Variants in TMEM67 observed in about 807,000 individuals in gnomAD.
TMEM67 encodes the protein transmembrane protein 67, also known as meckelin.
TMEM67 carries 124 observed loss-of-function variants against 136.6 expected under a neutral mutation model. That is an observed-to-expected ratio of 0.91 (90% CI 0.78 to 1.05). The LOEUF (loss-of-function observed/expected upper bound fraction) is 1.05. Ranked by LOEUF, TMEM67 falls within the 50% of genes least tolerant of loss-of-function variation. The pLI is 0.00. For missense variants in TMEM67, 1,107 were observed against 1,178.4 expected (o/e 0.94, Z 0.89); for synonymous variants, 364 against 390.5 (o/e 0.93, Z 0.80).
At chr8:93,829,361 G>GCTCTCTCTCTCTCT in the TMEM67 span, among the ~76,000 whole-genome samples, 4 of 148,434 alleles carry the variant, frequency 2.7e-5, no homozygotes, top group African/African-American at 1.0e-4. Flanking sequence ...CTTTATGAGT[G>GCTCTCTCTCTCTCT]CTCTCTCTCT....
chr8:93,812,033 C>T (rs1036208737), intron 26 of TMEM67, among the ~76,000 whole-genome samples: 1 of 151,712 alleles, frequency 6.6e-6, no homozygotes, highest in Non-Finnish European at 1.5e-5. Context: ...CCTGTAATCC[C>T]AGCTACTTGG....
intron 16 of TMEM67, among the ~76,000 whole-genome samples, chr8:93,794,562 A>G (rs1385249031): frequency 6.6e-6 from 1 of 152,194 alleles, no homozygotes; most frequent in African/African-American, 2.4e-5. Context: ...CGTTTTGTTG[A>G]TGAAGAACAT....
chr8:93,813,402 C>T (rs567612270), intron 26 of TMEM67, among the ~76,000 whole-genome samples: 3 of 152,276 alleles, frequency 2.0e-5, no homozygotes, highest in Non-Finnish European at 2.9e-5. Context: ...TGGCCTCGAA[C>T]TCCTGACCTC....
intron 20 of TMEM67, among the ~76,000 whole-genome samples, 171 bp from the exon 21 acceptor site, chr8:93,799,447 T>C (rs1192776590): frequency 6.6e-6 from 1 of 152,216 alleles, no homozygotes; most frequent in African/African-American, 2.4e-5. Flanking sequence ...ATAAATACTT[T>C]GTAGTTAAAA....
chr8:93,778,299 C>G (rs1308530122), intron 7 of TMEM67, among the ~76,000 whole-genome samples: 1 of 152,166 alleles, frequency 6.6e-6, no homozygotes, highest in African/African-American at 2.4e-5. Context: ...GGTCTTTACT[C>G]TTTATCCAAT....
At chr8:93,805,280 C>T (rs1184197148) in intron 23 of TMEM67, among the ~76,000 whole-genome samples, 2 of 151,146 alleles carry the variant, frequency 1.3e-5, no homozygotes, top group Non-Finnish European at 2.9e-5. Context: ...GCCTATTTAT[C>T]ACTTTGATAG....
chr8:93,785,009 C>T (rs1300430131), intron 11 of TMEM67, among the ~76,000 whole-genome samples: 1 of 152,118 alleles, frequency 6.6e-6, no homozygotes, highest in East Asian at 1.9e-4. Context: ...GGTTTTGGTC[C>T]TTATAAAATA....
In TMEM67 at chr8:93,780,583, T is replaced by C. The variant is rs747804286; in HGVS notation, c.715-10T>C. ...TCATGTTACTTTTCTTTGCCATTGT[T>C]CTGTTGTAGGTATATGCCAATCTAA... On this transcript the variant is annotated splice_polypyrimidine_tract_variant and intron_variant, in intron 7 of 27. Coordinates refer to ENST00000453321, the MANE Select transcript of TMEM67 (RefSeq NM_153704.6). 6.2e-7 allele frequency: 1 copy of C among 1,614,088 alleles called. No homozygotes were observed. Among genetic ancestry groups the C allele is most frequent in the South Asian group, 1.1e-5 (1 of 91,080 alleles).
chr8:93,767,863 CTTT>C (rs200241819), intron 6 of TMEM67, among the ~76,000 whole-genome samples: 97 of 109,888 alleles, frequency 8.8e-4, no homozygotes, highest in Middle Eastern at 8.5e-3. Flanking sequence ...TTTCTTTTTT[CTTT>C]TTTTTTTTTT....
intron 7 of TMEM67, among the ~76,000 whole-genome samples, chr8:93,777,274 C>G (rs1329444020): frequency 6.6e-6 from 1 of 152,000 alleles, no homozygotes. Flanking sequence ...AGCGGTCTAT[C>G]AATTTTGTTG....
chr8:93,797,524 A>G (rs771955631), intron 20 of TMEM67, 54 bp downstream of exon 20: 9 of 1,519,482 alleles, frequency 5.9e-6, no homozygotes, highest in Non-Finnish European at 8.2e-6. Flanking sequence ...TATAAATATT[A>G]AACTAATATA....
the TMEM67 span, among the ~76,000 whole-genome samples, chr8:93,826,295 A>G: frequency 3.3e-3 from 494 of 151,790 alleles, 2 homozygotes; most frequent in African/African-American, 0.011. Context: ...GCGCGTGGCT[A>G]GTTTTTTGTA....
At chr8:93,813,848 T>C (rs1420939320) in intron 26 of TMEM67, among the ~76,000 whole-genome samples, 2 of 152,212 alleles carry the variant, frequency 1.3e-5, no homozygotes, top group Non-Finnish European at 2.9e-5. Flanking sequence ...GCTGGAGCAA[T>C]GTTAGTAGAA....
intron 26 of TMEM67, among the ~76,000 whole-genome samples, chr8:93,814,672 A>C (rs1359528498): frequency 6.9e-6 from 1 of 144,898 alleles, no homozygotes; most frequent in African/African-American, 2.6e-5. Context: ...TTTTTTGTAG[A>C]GATGGAGTCT....
intron 27 of TMEM67, 90 bp from the exon 28 acceptor site, chr8:93,816,282 A>G (rs1808902509): frequency 1.7e-6 from 1 of 571,884 alleles, no homozygotes; most frequent in Admixed American, 2.8e-5. Context: ...AGTTGAGAGA[A>G]TTAGCTAATT....
chr8:93,772,769 A>G (rs768109468), intron 7 of TMEM67, 118 bp downstream of exon 7: 92 of 711,820 alleles, frequency 1.3e-4, no homozygotes, highest in Non-Finnish European at 1.9e-4. Context: ...ATAATCTTAT[A>G]AGAAGAATAA....
At chr8:93,775,313 T>C (rs1813490620) in intron 7 of TMEM67, among the ~76,000 whole-genome samples, 1 of 152,236 alleles carries the variant, frequency 6.6e-6, no homozygotes, top group Non-Finnish European at 1.5e-5. Flanking sequence ...GTGTGTTCAC[T>C]CTGATGACAG....
chr8:93,820,341 G>A (rs534028959), downstream of TMEM67, among the ~76,000 whole-genome samples: 1 of 152,314 alleles, frequency 6.6e-6, no homozygotes, highest in East Asian at 1.9e-4. Flanking sequence ...GGTTGGAAAG[G>A]AAAACAGGAG....
rs1472226283 is a variant in TMEM67, at chr8:93,804,310, C to CTTTTCT, written c.2323-448_2323-447insCTTTTT. Among the ~76,000 whole-genome samples, 191 of 93,740 alleles carry CTTTTCT rather than the reference C, an allele frequency of 2.0e-3. 2 individuals carry two copies. Among genetic ancestry groups the CTTTTCT allele is most frequent in the East Asian group, 3.0e-3 (9 of 3,016 alleles). The allele number at this position is 93,740 out of a possible 152,430, so 61.5% of individuals were successfully genotyped here. A position where few individuals can be genotyped will look rare whatever the true frequency, so the allele number is the denominator to read the frequency against. On this transcript the variant is annotated intron_variant, in intron 22 of 27. Transcript: ENST00000453321. ...TTTCTTTTCTTTTCTCTTTTCTTTT[C>CTTTTCT]TTTTTTTTTTTTTTTTTTTTTTGAG...
Sources: gnomAD v4.1 joint callset for allele counts (sites outside exome capture counted in the v4.1 genomes callset) on GRCh38, gnomAD v4.1.1 for gene constraint, MANE v1.5 for transcripts, NCBI Gene and HGNC (gene_info 2026-07-23, HGNC 2026-07-21) for gene names.